Variants in RNF220 observed in about 807,000 individuals in gnomAD.
The protein encoded by RNF220 is ring finger protein 220, also known as E3 ubiquitin-protein ligase RNF220.
A neutral mutation model predicts 67.1 loss-of-function variants in RNF220; 7 were observed. That is an observed-to-expected ratio of 0.10 (90% CI 0.06 to 0.20). The LOEUF (loss-of-function observed/expected upper bound fraction) is 0.20, where lower values mean the gene tolerates loss of function less well. Ranked by LOEUF, RNF220 falls within the 10% of genes least tolerant of loss-of-function variation. The probability of loss-of-function intolerance (pLI) is 1.00; values close to 1 mark genes in which losing one functional copy is unlikely to be tolerated. For synonymous variants in RNF220, 270 were observed against 283.2 expected (o/e 0.95, Z 0.47); for missense variants, 565 against 740.3 (o/e 0.76, Z 2.75).
intron 2 of RNF220, among the ~76,000 whole-genome samples, chr1:44,416,544 GAC>G (rs1648555836): frequency 6.6e-6 from 1 of 152,220 alleles, no homozygotes; most frequent in African/African-American, 2.4e-5. Flanking sequence ...CTGCCTGTGT[GAC>G]ACAGTCTTTG....
At chr1:44,456,248 C>T (rs566681994) in intron 2 of RNF220, among the ~76,000 whole-genome samples, 13 of 152,132 alleles carry the variant, frequency 8.5e-5, no homozygotes, top group South Asian at 2.1e-4. Flanking sequence ...GTCCAATGTT[C>T]CTATTATGAA....
chr1:44,521,298 A>T (rs1456035598), intron 2 of RNF220, among the ~76,000 whole-genome samples: 1 of 152,258 alleles, frequency 6.6e-6, no homozygotes, highest in Non-Finnish European at 1.5e-5. Context: ...TCTCCGGACT[A>T]TCAAGCAAAT....
intron 2 of RNF220, among the ~76,000 whole-genome samples, chr1:44,459,227 G>C (rs576460111): frequency 1.3e-5 from 2 of 151,998 alleles, no homozygotes; most frequent in South Asian, 4.2e-4. Context: ...ATATGTTGTG[G>C]GGGTTCACTT....
intron 2 of RNF220, among the ~76,000 whole-genome samples, chr1:44,495,721 A>G (rs1657286022): frequency 6.6e-6 from 1 of 152,218 alleles, no homozygotes; most frequent in Admixed American, 6.5e-5. Flanking sequence ...GACATTAGCC[A>G]CAGCGCCTGG....
intron 2 of RNF220, among the ~76,000 whole-genome samples, chr1:44,591,111 A>T (rs1666085943): frequency 6.6e-6 from 1 of 152,048 alleles, no homozygotes; most frequent in Non-Finnish European, 1.5e-5. Flanking sequence ...ACAGGCACCC[A>T]CCACGCCATT....
At chr1:44,582,348 C>T (rs1275809302) in intron 2 of RNF220, among the ~76,000 whole-genome samples, 1 of 152,104 alleles carries the variant, frequency 6.6e-6, no homozygotes, top group Non-Finnish European at 1.5e-5. Flanking sequence ...TCTTGCCGTC[C>T]AGTATTTAAA....
At chr1:44,569,847 G>A (rs771426068) in intron 2 of RNF220, among the ~76,000 whole-genome samples, 1 of 152,174 alleles carries the variant, frequency 6.6e-6, no homozygotes. Flanking sequence ...TTGTTTAGAC[G>A]CCCTCTACCC....
At chr1:44,598,688 T>C (rs963582612) in intron 2 of RNF220, among the ~76,000 whole-genome samples, 9 of 152,044 alleles carry the variant, frequency 5.9e-5, no homozygotes, top group African/African-American at 2.2e-4. Flanking sequence ...TGTCTGTCAG[T>C]GTTTCTAGGC....
intron 2 of RNF220, among the ~76,000 whole-genome samples, chr1:44,491,856 G>C (rs769135327): frequency 1.3e-5 from 2 of 152,118 alleles, no homozygotes; most frequent in Non-Finnish European, 2.9e-5. Flanking sequence ...TGGAGATGAG[G>C]TCTTGCCATG....
At chr1:44,448,024 C>T (rs1652278100) in intron 2 of RNF220, among the ~76,000 whole-genome samples, 1 of 151,908 alleles carries the variant, frequency 6.6e-6, no homozygotes, top group Non-Finnish European at 1.5e-5. Flanking sequence ...TGACATTGGC[C>T]GGGCAGTGTC....
intron 2 of RNF220, among the ~76,000 whole-genome samples, chr1:44,451,745 CGAGTAGCTGG>C (rs1456863675): frequency 6.6e-6 from 1 of 152,122 alleles, no homozygotes; most frequent in African/African-American, 2.4e-5. Context: ...CTCAGCCTTC[CGAGTAGCTGG>C]GATTACAGGC....
chr1:44,535,177 G>T (rs1303888351), intron 2 of RNF220, among the ~76,000 whole-genome samples: 1 of 142,986 alleles, frequency 7.0e-6, no homozygotes, highest in Non-Finnish European at 1.5e-5. Flanking sequence ...GTCTCACTCG[G>T]TCACCCAGGC....
intron 2 of RNF220, among the ~76,000 whole-genome samples, chr1:44,561,786 G>A (rs1261842205): frequency 6.6e-6 from 1 of 152,086 alleles, no homozygotes; most frequent in Non-Finnish European, 1.5e-5. Flanking sequence ...GCATGGTGGT[G>A]CACACCTGTA....
intron 4 of RNF220, among the ~76,000 whole-genome samples, chr1:44,623,132 A>C (rs898914156): frequency 3.9e-5 from 6 of 152,186 alleles, no homozygotes; most frequent in African/African-American, 1.4e-4. Flanking sequence ...TAGCAGATGA[A>C]GAAAAATAAA....
chr1:44,425,891 T>A (rs983642222), intron 2 of RNF220, among the ~76,000 whole-genome samples: 2 of 152,182 alleles, frequency 1.3e-5, no homozygotes, highest in African/African-American at 4.8e-5. Context: ...GTGTTCAACC[T>A]AGAGGGAGCC....
At chr1:44,519,646 G>A (rs1307244912) in intron 2 of RNF220, among the ~76,000 whole-genome samples, 1 of 152,174 alleles carries the variant, frequency 6.6e-6, no homozygotes, top group Non-Finnish European at 1.5e-5. Flanking sequence ...AGCTCAAGGT[G>A]CTCCACGGAC....
chr1:44,636,159 C>T lies in RNF220; in HGVS notation c.1123C>T (p.Arg375Ter), dbSNP rs1644321659. 1 of 1,600,590 alleles carries T rather than the reference C, an allele frequency of 6.2e-7. No homozygotes were observed. The highest frequency in any genetic ancestry group is 8.5e-7 in the Non-Finnish European group (1 of 1,170,270). The change falls in exon 8 of 15, where the codon CGA becomes TGA. Residue 375 changes from arginine (R) to a stop codon, truncating the protein, a stop_gained. Coordinates refer to ENST00000361799, the MANE Select transcript of RNF220 (RefSeq NM_018150.4). LOFTEE classifies it high-confidence loss of function. ...CACCACTCTCCTGGAAGGTGGCTTC[C>T]GAGGTACAAGCAGCTGACACGTAGA... Reference protein sequence around the residue: ...RATTLLEGGFRGSGFIMCSGK... With the variant: ...RATTLLEGGF
intron 2 of RNF220, among the ~76,000 whole-genome samples, chr1:44,418,541 C>T (rs1648847025): frequency 6.6e-6 from 1 of 152,042 alleles, no homozygotes; most frequent in Non-Finnish European, 1.5e-5. Flanking sequence ...TCGTTAAAGT[C>T]TGGGCAATTT....
intron 2 of RNF220, among the ~76,000 whole-genome samples, chr1:44,578,119 TTTTC>T (rs57896275): frequency 0.04 from 5,928 of 147,758 alleles, 495 homozygotes; most frequent in African/African-American, 0.14. Flanking sequence ...GCAACTGGGA[TTTTC>T]TTTCTTTCTT....
Sources: allele counts gnomAD v4.1 joint callset (sites outside exome capture counted in the v4.1 genomes callset), GRCh38; gene constraint gnomAD v4.1.1; transcripts MANE v1.5; gene names NCBI Gene and HGNC (gene_info 2026-07-23, HGNC 2026-07-21).